Variants in ANK2 observed in about 807,000 individuals in gnomAD.
ANK2 encodes the protein ankyrin 2, also known as ankyrin-2.
Under a neutral mutation model 360.5 loss-of-function variants are expected in ANK2, and 83 were observed. The observed-to-expected ratio is 0.23, with a 90% CI of 0.19 to 0.28. ANK2 has a LOEUF of 0.28. ANK2 is among the 10% of genes least tolerant of loss of function. The pLI is 1.00. For synonymous variants in ANK2, 1,740 were observed against 1,759.5 expected, an observed-to-expected ratio of 0.99 and a Z score of 0.28; for missense variants, 4,201 against 4,795.7, an observed-to-expected ratio of 0.88 and a Z score of 3.66.
rs530811295 is a variant in ANK2, at chr4:113,001,187, C to T, written c.21+96673C>T. Among the ~76,000 whole-genome samples, 10 of 152,036 alleles carry T rather than the reference C, an allele frequency of 6.6e-5. No homozygotes were observed. The East Asian group carries it at 7.8e-4, about 12-fold the overall frequency. On this transcript the variant is annotated intron_variant, in intron 2 of 30. Coordinates refer to the ANK2 transcript ENST00000503271. ...CTCTACTAAAAAGACAAAAATTAGC[C>T]GGGCATGTTGGCAGGTGCCTGTAAT...
intron 1 of ANK2, among the ~76,000 whole-genome samples, chr4:113,148,860 T>C (rs6844347): frequency 0.72 from 109,163 of 152,028 alleles, 39,655 homozygotes; most frequent in African/African-American, 0.82. Flanking sequence ...CGGATGGCAA[T>C]GAGGTATGAG....
intron 1 of ANK2, among the ~76,000 whole-genome samples, chr4:113,102,520 A>T (rs1269060690): frequency 6.6e-6 from 1 of 152,118 alleles, no homozygotes. Flanking sequence ...AGAAGAGAGG[A>T]AGCCCCAGGA....
chr4:113,231,113 G>A (rs1030868534), intron 4 of ANK2, among the ~76,000 whole-genome samples: 7 of 149,378 alleles, frequency 4.7e-5, no homozygotes, highest in Admixed American at 1.3e-4. Context: ...GTGCAGTGGC[G>A]CGATCTTGGC....
intron 2 of ANK2, among the ~76,000 whole-genome samples, chr4:112,981,244 A>G (rs2043028811): frequency 6.6e-6 from 1 of 152,220 alleles, no homozygotes; most frequent in Admixed American, 6.5e-5. Flanking sequence ...TTTGGGTATG[A>G]AATTGCGGAG....
At chr4:113,220,832 A>G (rs887729328) in intron 4 of ANK2, among the ~76,000 whole-genome samples, 1 of 152,254 alleles carries the variant, frequency 6.6e-6, no homozygotes, top group Admixed American at 6.5e-5. Flanking sequence ...ACTAAGGAAA[A>G]TAAGGCTAAA....
intron 13 of ANK2, among the ~76,000 whole-genome samples, chr4:113,259,802 CTTTTTTTTTCTTTT>C (rs986691959): frequency 5.5e-5 from 8 of 144,388 alleles, no homozygotes; most frequent in African/African-American, 2.0e-4. Flanking sequence ...AGATGACTAC[CTTTTTTTTTCTTTT>C]TTTTTTTTTT....
chr4:113,126,937 T>C (rs1453526285), intron 1 of ANK2, among the ~76,000 whole-genome samples: 1 of 152,196 alleles, frequency 6.6e-6, no homozygotes, highest in African/African-American at 2.4e-5. Context: ...ATCACTGTAA[T>C]TGGCCTTCAC....
intron 1 of ANK2, among the ~76,000 whole-genome samples, chr4:112,891,819 G>T (rs1262879703): frequency 2.6e-5 from 4 of 152,156 alleles, no homozygotes; most frequent in Non-Finnish European, 4.4e-5. Context: ...GCTTTGAGTG[G>T]TATCAAAAGA....
intron 1 of ANK2, among the ~76,000 whole-genome samples, chr4:112,859,326 T>A (rs116471049): frequency 1.8e-4 from 27 of 152,348 alleles, no homozygotes; most frequent in African/African-American, 6.5e-4. Flanking sequence ...TCTCAATTAA[T>A]TGTATTTTAC....
intron 1 of ANK2, among the ~76,000 whole-genome samples, chr4:113,119,319 C>T (rs959823488): frequency 6.6e-6 from 1 of 152,070 alleles, no homozygotes; most frequent in Non-Finnish European, 1.5e-5. Context: ...AACAAACTTG[C>T]TAAAAGAGTG....
chr4:113,035,772 G>A (rs1441810596), intron 2 of ANK2, among the ~76,000 whole-genome samples: 3 of 151,882 alleles, frequency 2.0e-5, no homozygotes, highest in Non-Finnish European at 4.4e-5. Context: ...AGAAAAAGGG[G>A]TGGAGCAATA....
chr4:113,322,081 A>G (rs1313006684), intron 26 of ANK2, among the ~76,000 whole-genome samples: 1 of 152,336 alleles, frequency 6.6e-6, no homozygotes, highest in African/African-American at 2.4e-5. Flanking sequence ...TTTTTTATGC[A>G]CATGCCACTG....
chr4:113,099,200 A>G (rs2092329402), intron 1 of ANK2, among the ~76,000 whole-genome samples: 1 of 151,992 alleles, frequency 6.6e-6, no homozygotes, highest in South Asian at 2.1e-4. Flanking sequence ...TTGGGAAAAA[A>G]GAAATAAAAC....
the ANK2 span, among the ~76,000 whole-genome samples, chr4:112,792,485 G>A: frequency 6.6e-6 from 1 of 152,290 alleles, no homozygotes; most frequent in East Asian, 1.9e-4. Flanking sequence ...TATTGCCATG[G>A]AATTTGAATC....
At chr4:112,708,271 A>C in the ANK2 span, among the ~76,000 whole-genome samples, 1 of 152,288 alleles carries the variant, frequency 6.6e-6, no homozygotes, top group South Asian at 2.1e-4. Flanking sequence ...TTCTTTTTCA[A>C]ATCAATTCTG....
chr4:113,309,115 GCTGGTATGTATTA>G (rs2078625669), intron 23 of ANK2, among the ~76,000 whole-genome samples: 1 of 152,026 alleles, frequency 6.6e-6, no homozygotes, highest in South Asian at 2.1e-4. Flanking sequence ...ATCTTTCACT[GCTGGTATGTATTA>G]CTGAATAGCA....
intron 1 of ANK2, among the ~76,000 whole-genome samples, chr4:113,143,007 C>CAAA (rs5861125): frequency 2.2e-4 from 33 of 148,796 alleles, no homozygotes; most frequent in South Asian, 1.1e-3. Flanking sequence ...TGTTAATCTG[C>CAAA]AAAAAAAAAA....
At chr4:112,810,146 TATATATATATATA>T in the ANK2 span, among the ~76,000 whole-genome samples, 30 of 22,084 alleles carry the variant, frequency 1.4e-3, no homozygotes, top group African/African-American at 3.8e-3. Context: ...TATATATATA[TATATATATATATA>T]TTTTTTTTTT....
At chr4:113,370,972 T>C (rs537122162) in intron 43 of ANK2, among the ~76,000 whole-genome samples, 1 of 152,234 alleles carries the variant, frequency 6.6e-6, no homozygotes, top group African/African-American at 2.4e-5. Context: ...CTGTTTGAAT[T>C]AAACTTAATT....
Sources: allele counts gnomAD v4.1 joint callset (sites outside exome capture counted in the v4.1 genomes callset), GRCh38; gene constraint gnomAD v4.1.1; transcripts MANE v1.5; gene names NCBI Gene and HGNC (gene_info 2026-07-23, HGNC 2026-07-21).